IPO7: variants seen among roughly 807,000 people sequenced by gnomAD.
IPO7 encodes the protein importin-7.
IPO7 carries 13 observed loss-of-function variants against 136.4 expected under a neutral mutation model. That is an observed-to-expected ratio of 0.10 (90% confidence interval 0.06 to 0.15). The LOEUF is 0.15. Ranked by LOEUF, IPO7 falls within the 10% of genes least tolerant of loss-of-function variation. The pLI is 1.00. For synonymous variants in IPO7, 403 were observed against 404.4 expected, an observed-to-expected ratio of 1.00 and a Z score of 0.04; for missense variants, 857 against 1,240.6, an observed-to-expected ratio of 0.69 and a Z score of 4.65.
chr11:9,424,729 G>T (rs531760238), intron 10 of IPO7, among the ~76,000 whole-genome samples, 185 bp from the exon 11 acceptor site: 1 of 152,208 alleles, frequency 6.6e-6, no homozygotes, highest in Non-Finnish European at 1.5e-5. Context: ...GTGACAGAGC[G>T]AGACTCCATC....
Position 9,438,343 on chromosome 11 carries a change from T to C in IPO7, c.2695+58T>C, listed in dbSNP as rs1855412669. 1.3e-5 allele frequency: 15 copies of C among 1,123,238 alleles called. No homozygotes were observed. The South Asian group carries it at 1.7e-4, about 13-fold the overall frequency. The allele number at this position is 1,123,238 out of a possible 1,614,324, so 69.6% of individuals were successfully genotyped here. On this transcript the variant is annotated intron_variant, in intron 22 of 24. Transcript: ENST00000379719. ...TATCTACTTAGAAATATTACCGCAC[T>C]GGGCCGGGCGCAGTGGCTCAGGCCT... is the stretch of plus-strand genomic sequence containing the variant.
chr11:9,440,622 C>T lies in IPO7; in HGVS notation c.2863C>T (p.Pro955Ser). 2 of 1,613,414 alleles carry T rather than the reference C, an allele frequency of 1.2e-6. No homozygotes were observed. The highest frequency in any genetic ancestry group is 1.1e-5 in the South Asian group (1 of 91,052). The change falls in exon 23 of 25, where the codon CCT (proline) becomes TCT (serine). Residue 955 changes from proline (P) to serine (S), a missense_variant. Physicochemically the swap from Pro to Ser is moderately conservative, Grantham distance 74 (BLOSUM62 -1). Around this residue, in one of 11 missense-constraint regions of IPO7, gnomAD observed 119 missense variants for 155.5 expected, o/e 0.77. Transcript: ENST00000379719. ...YSTIIDDEDN[P>S]VDEYQIFKAI... is the part of the protein sequence containing the mutation. ...CACAATCATTGATGATGAAGATAAC[C>T]CTGTTGATGAGTATCAGATATTTAA...
intron 15 of IPO7, chr11:9,430,645 C>G (rs1369162707): frequency 4.4e-6 from 2 of 452,676 alleles, no homozygotes; most frequent in Admixed American, 3.8e-5. Flanking sequence ...ATGAAATCCC[C>G]GAAGTGGCAT....
rs375658168 is a variant in IPO7 at position 9,420,599 on chromosome 11, T to C, written c.822-15T>C. 8 of 1,600,104 alleles carry C rather than the reference T, an allele frequency of 5.0e-6. No individual in the cohort carries two copies. The African/African-American group carries it at 6.7e-5, about 13-fold the overall frequency. On this transcript the variant is annotated splice_polypyrimidine_tract_variant and intron_variant, in intron 7 of 24. Transcript: ENST00000379719. ...GCATTATAAAGAAACAATGGGCATT[T>C]TGATGTTCTTTTAGATATGGAAGCC...
chr11:9,400,406 C>A (rs1854775807), intron 1 of IPO7, among the ~76,000 whole-genome samples: 1 of 152,010 alleles, frequency 6.6e-6, no homozygotes, highest in Admixed American at 6.6e-5. Flanking sequence ...TGTCTTATAG[C>A]ACAAACACCT....
intron 1 of IPO7, among the ~76,000 whole-genome samples, chr11:9,400,461 G>A (rs561639765): frequency 2.6e-5 from 4 of 151,062 alleles, no homozygotes; most frequent in South Asian, 2.1e-4. Flanking sequence ...TCTCGCTGTC[G>A]CCCAGGCTGG....
At chr11:9,402,922 G>T in intron 1 of IPO7, 1 of 229,340 alleles carries the variant, frequency 4.4e-6, no homozygotes, top group Non-Finnish European at 8.4e-6. Flanking sequence ...CCGGGAGGCT[G>T]AGGCAGGAGA....
At chr11:9,422,377 G>A (rs1855145768) in intron 8 of IPO7, among the ~76,000 whole-genome samples, 1 of 151,402 alleles carries the variant, frequency 6.6e-6, no homozygotes, top group South Asian at 2.1e-4. Context: ...TACCATTGGT[G>A]CAAATACTCA....
At chr11:9,395,740 G>A (rs963563240) in intron 1 of IPO7, among the ~76,000 whole-genome samples, 5 of 151,586 alleles carry the variant, frequency 3.3e-5, no homozygotes, top group Middle Eastern at 3.4e-3. Flanking sequence ...TTTTTGAGAC[G>A]GAGGCTCACT....
chr11:9,434,168 C>T (rs1855339294), intron 18 of IPO7, among the ~76,000 whole-genome samples: 1 of 152,052 alleles, frequency 6.6e-6, no homozygotes, highest in Non-Finnish European at 1.5e-5. Flanking sequence ...GGTGATCCGC[C>T]CACCTCAGCC....
At chr11:9,432,719 G>A (rs1049862324) in intron 16 of IPO7, among the ~76,000 whole-genome samples, 68 of 152,060 alleles carry the variant, frequency 4.5e-4, no homozygotes, top group African/African-American at 1.6e-3. Flanking sequence ...TGGCCCTCAG[G>A]GATTTGGGAT....
At chr11:9,411,060 GGAAT>G (rs1854961682) in intron 4 of IPO7, among the ~76,000 whole-genome samples, 1 of 152,178 alleles carries the variant, frequency 6.6e-6, no homozygotes, top group African/African-American at 2.4e-5. Flanking sequence ...TTCCTGCTAA[GGAAT>G]GTTCCAGCTG....
chr11:9,394,721 T>G (rs960730991), intron 1 of IPO7, among the ~76,000 whole-genome samples: 3 of 152,208 alleles, frequency 2.0e-5, no homozygotes, highest in Non-Finnish European at 2.9e-5. Flanking sequence ...TTAGCCCAAT[T>G]GGAATTAAAC....
At chr11:9,392,194 T>TTTTTTTG in intron 1 of IPO7, 3 of 322,560 alleles carry the variant, frequency 9.3e-6, no homozygotes, top group Admixed American at 4.0e-5. Context: ...TTTTTTTTTT[T>TTTTTTTG]GAGACGGAGT....
chr11:9,389,760 T>C (rs1854602244), intron 1 of IPO7, among the ~76,000 whole-genome samples: 1 of 152,042 alleles, frequency 6.6e-6, no homozygotes, highest in South Asian at 2.1e-4. Context: ...TATATGTATA[T>C]ACACCTTTTT....
intron 22 of IPO7, 38 bp from the exon 23 acceptor site, chr11:9,440,417 G>A: frequency 6.7e-7 from 1 of 1,503,148 alleles, no homozygotes; most frequent in South Asian, 1.1e-5. Context: ...AACAAAATAT[G>A]TCATTGTTAT....
rs765018466 is a variant in IPO7, at chr11:9,417,132, A to C, written c.710A>C (p.Asn237Thr). 1 of 1,489,002 alleles carries C rather than the reference A, an allele frequency of 6.7e-7. No individual in the cohort carries two copies. Among genetic ancestry groups the C allele is most frequent in the South Asian group, 1.2e-5 (1 of 85,394 alleles). 92.2% of individuals were successfully genotyped at this position (1,489,002 alleles called of 1,614,324 possible). ...EWIEILKTVV[N>T]RDVPNETLQV... ...ATAGAAATTTTAAAGACTGTTGTGAACAGGGATGTACCTAATGTAAGTTTC... is the reference window on the plus strand; with the variant it reads ...ATAGAAATTTTAAAGACTGTTGTGACCAGGGATGTACCTAATGTAAGTTTC... The change falls in exon 6 of 25, where the codon AAC (asparagine) becomes ACC (threonine). Residue 237 changes from asparagine (N) to threonine (T), a missense_variant. By Grantham distance (65) the Asn-to-Thr change is moderately conservative (BLOSUM62 0). Transcript: ENST00000379719.
chr11:9,443,738 A>C (rs986269099), intron 24 of IPO7, among the ~76,000 whole-genome samples: 3 of 150,808 alleles, frequency 2.0e-5, no homozygotes, highest in African/African-American at 7.3e-5. Flanking sequence ...CATCATCTCT[A>C]CAAAAAATAA....
intron 19 of IPO7, among the ~76,000 whole-genome samples, chr11:9,435,696 C>T (rs148592261): frequency 4.6e-5 from 7 of 152,194 alleles, no homozygotes; most frequent in African/African-American, 1.7e-4. Context: ...CATTTCTATT[C>T]CTGAACACTT....
Sources: allele counts gnomAD v4.1 joint callset (sites outside exome capture counted in the v4.1 genomes callset), GRCh38; gene constraint gnomAD v4.1.1; regional missense constraint gnomAD v4.1.1; transcripts MANE v1.5; gene names NCBI Gene and HGNC (gene_info 2026-07-23, HGNC 2026-07-21).